The following NEDD9 variants were observed in gnomAD, a reference collection of about 807,000 sequenced individuals.
NEDD9 encodes the protein neural precursor cell expressed, developmentally down-regulated 9, also known as enhancer of filamentation 1.
In NEDD9, 26 loss-of-function variants were observed where a neutral mutation model predicts 76.6. The observed-to-expected ratio is 0.34, with a 90% CI of 0.25 to 0.47. The LOEUF (loss-of-function observed/expected upper bound fraction) is 0.47, where lower values mean the gene tolerates loss of function less well. NEDD9 is among the 20% of genes least tolerant of loss of function. NEDD9 has a pLI of 1.00. For missense variants in NEDD9, 937 were observed against 1,058.5 expected (o/e 0.89, Z 1.59); for synonymous variants, 392 against 414.2 (o/e 0.95, Z 0.65).
chr6:11,226,682 T>C (rs1173496331), intron 1 of NEDD9, among the ~76,000 whole-genome samples: 1 of 152,222 alleles, frequency 6.6e-6, no homozygotes, highest in Non-Finnish European at 1.5e-5. Context: ...ATTTCTGTTA[T>C]GGGTAAACAA....
At chr6:11,281,650 G>T (rs973058179) in intron 3 of NEDD9, among the ~76,000 whole-genome samples, 1 of 152,140 alleles carries the variant, frequency 6.6e-6, no homozygotes. Context: ...CACCACACCT[G>T]GCCAACAGGG....
intron 2 of NEDD9, among the ~76,000 whole-genome samples, chr6:11,320,131 C>G (rs988049880): frequency 6.6e-6 from 1 of 152,342 alleles, no homozygotes; most frequent in Middle Eastern, 3.4e-3. Context: ...CTTCTTCTTA[C>G]AGTGACCACG....
intron 3 of NEDD9, 123 bp downstream of exon 3, chr6:11,193,468 C>A (rs780459060): frequency 1.6e-6 from 1 of 614,286 alleles, no homozygotes; most frequent in Non-Finnish European, 2.7e-6. Flanking sequence ...GGTAGACAAC[C>A]TAAACAAAGC....
chr6:11,282,987 C>T (rs115823429), intron 3 of NEDD9, among the ~76,000 whole-genome samples: 2,175 of 152,308 alleles, frequency 0.014, 49 homozygotes, highest in African/African-American at 0.048. Context: ...GCCTCTCCAG[C>T]GATCTCTTTA....
At chr6:11,187,747 G>A (rs969394825) in intron 6 of NEDD9, among the ~76,000 whole-genome samples, 1 of 152,182 alleles carries the variant, frequency 6.6e-6, no homozygotes, top group African/African-American at 2.4e-5. Context: ...GATAATTAGA[G>A]AAAACCAGAA....
At chr6:11,288,547 C>T (rs1048783703) in intron 3 of NEDD9, among the ~76,000 whole-genome samples, 10 of 152,166 alleles carry the variant, frequency 6.6e-5, no homozygotes, top group African/African-American at 2.4e-4. Flanking sequence ...CAACAGGGAA[C>T]GTCTCATAAA....
At chr6:11,256,118 T>A (rs1581985963) in intron 3 of NEDD9, among the ~76,000 whole-genome samples, 1 of 152,178 alleles carries the variant, frequency 6.6e-6, no homozygotes, top group South Asian at 2.1e-4. Context: ...GCATCATAAC[T>A]GAACAACAGC....
chr6:11,304,333 T>G (rs564120717), intron 3 of NEDD9, among the ~76,000 whole-genome samples: 1 of 152,190 alleles, frequency 6.6e-6, no homozygotes, highest in Admixed American at 6.5e-5. Context: ...TGTGGAGAAA[T>G]AGGAAGGGTT....
intron 3 of NEDD9, among the ~76,000 whole-genome samples, chr6:11,253,378 T>C (rs1759946354): frequency 6.6e-6 from 1 of 152,178 alleles, no homozygotes; most frequent in Non-Finnish European, 1.5e-5. Flanking sequence ...TTTCTGAAGG[T>C]AAAATTTGAT....
At position 11,329,951 on chromosome 6, in the gene NEDD9, T is replaced by C. The variant is rs988655905; in HGVS notation, c.-153+4550A>G. Among the ~76,000 whole-genome samples, 19 of 152,270 alleles carry C rather than the reference T, an allele frequency of 1.2e-4. 1 individual carries two copies. The highest frequency in any genetic ancestry group is 1.2e-4 in the African/African-American group (5 of 41,540). On this transcript the variant is annotated intron_variant, in intron 2 of 3. Transcript: ENST00000397378. Reference sequence around the variant, plus strand: ...TGCATAAGCCAAGAAGGAAATTACTTAGATTTGCACCATCCAATGGGGAGC... The same window carrying C: ...TGCATAAGCCAAGAAGGAAATTACTCAGATTTGCACCATCCAATGGGGAGC...
At chr6:11,265,266 T>G (rs1760181597) in intron 3 of NEDD9, among the ~76,000 whole-genome samples, 1 of 152,252 alleles carries the variant, frequency 6.6e-6, no homozygotes, top group African/African-American at 2.4e-5. Flanking sequence ...AGGCTTTATA[T>G]CTGTTATATG....
intron 1 of NEDD9, among the ~76,000 whole-genome samples, chr6:11,357,014 G>T (rs1472023787): frequency 6.6e-6 from 1 of 152,116 alleles, no homozygotes; most frequent in African/African-American, 2.4e-5. Context: ...TTCTGTTCCG[G>T]AGCCTCTAGC....
At chr6:11,264,947 C>A (rs1014413873) in intron 3 of NEDD9, among the ~76,000 whole-genome samples, 1 of 152,212 alleles carries the variant, frequency 6.6e-6, no homozygotes, top group Non-Finnish European at 1.5e-5. Context: ...GATCCTCTAG[C>A]CTTGCCTTCC....
At chr6:11,205,066 G>A (rs1032533931) in intron 2 of NEDD9, among the ~76,000 whole-genome samples, 5 of 152,196 alleles carry the variant, frequency 3.3e-5, no homozygotes, top group Non-Finnish European at 7.4e-5. Flanking sequence ...CTTCTTTAAG[G>A]GCTTGGCAAT....
chr6:11,370,465 C>T lies in NEDD9; in HGVS notation c.-214+11674G>A, dbSNP rs544695265. 1.9e-3 allele frequency among the ~76,000 whole-genome samples: 287 copies of T among 152,288 alleles called. 2 individuals are homozygous for T. Among genetic ancestry groups the T allele is most frequent in the Non-Finnish European group, 3.0e-3 (203 of 68,012 alleles). On this transcript the variant is annotated intron_variant, in intron 1 of 3. Transcript: ENST00000397378. This position sits in a 1 kb window ranked among gnomAD's most constrained non-coding sequence, Gnocchi z 4.2. ...AGGACGGCTCCCACCCCTGTCCTCC[C>T]AAGACCTGCATTCCAGTCCAAATGG...
intron 2 of NEDD9, chr6:11,200,671 T>C (rs1175258397): frequency 4.0e-6 from 5 of 1,235,982 alleles, no homozygotes; most frequent in Non-Finnish European, 3.1e-6. Context: ...TAGGAATGTA[T>C]AGTGCTCAAA....
At chr6:11,341,627 G>GAAGT (rs1371381697) in intron 1 of NEDD9, among the ~76,000 whole-genome samples, 6 of 152,326 alleles carry the variant, frequency 3.9e-5, no homozygotes. Context: ...TAGTCACATT[G>GAAGT]AAGTGTTCAA....
intron 3 of NEDD9, among the ~76,000 whole-genome samples, chr6:11,301,285 G>A (rs938028446): frequency 1.3e-5 from 2 of 152,150 alleles, no homozygotes; most frequent in South Asian, 4.1e-4. Flanking sequence ...ACCACATAAT[G>A]GTAAGGGGAT....
chr6:11,201,143 G>A lies in NEDD9; in HGVS notation c.460-7451C>T. Reference sequence around the variant, plus strand: ...TCTCCTTGGGGGCACTTCTTTCCTTGGGCATCCACTTCACCTCCTTAATGC... The same window carrying A: ...TCTCCTTGGGGGCACTTCTTTCCTTAGGCATCCACTTCACCTCCTTAATGC... On this transcript the variant is annotated intron_variant, in intron 2 of 6. Transcript: ENST00000379446. The A allele has an allele frequency of 3.5e-6, 5 of 1,417,672 alleles. No individual in the cohort carries two copies. The Admixed American group carries it at 5.0e-5, about 14-fold the overall frequency. The allele number at this position is 1,417,672 out of a possible 1,614,324, so 87.8% of individuals were successfully genotyped here.
Sources: allele counts gnomAD v4.1 joint callset (sites outside exome capture counted in the v4.1 genomes callset), GRCh38; gene constraint gnomAD v4.1.1; non-coding constraint Gnocchi (gnomAD v3.1); transcripts MANE v1.5; gene names NCBI Gene and HGNC (gene_info 2026-07-23, HGNC 2026-07-21).